The following BIRC6 variants were observed in gnomAD, a reference collection of about 807,000 sequenced individuals.
The protein encoded by BIRC6 is baculoviral IAP repeat containing 6.
A neutral mutation model predicts 503.3 loss-of-function variants in BIRC6; 98 were observed. That is an observed-to-expected ratio of 0.19 (90% CI 0.17 to 0.23). The LOEUF is 0.23. BIRC6 is among the 10% of genes least tolerant of loss of function. The probability of loss-of-function intolerance (pLI) is 1.00; values close to 1 mark genes in which losing one functional copy is unlikely to be tolerated. For missense variants in BIRC6, 5,360 were observed against 5,806.0 expected (o/e 0.92, Z 2.50); for synonymous variants, 2,240 against 2,078.7 (o/e 1.08, Z -2.11).
chr2:32,548,123 T>C, intron 64 of BIRC6, 109 bp downstream of exon 64: 1 of 956,778 alleles, frequency 1.0e-6, no homozygotes, highest in Non-Finnish European at 1.5e-6. Flanking sequence ...TTATGCCCAC[T>C]TGTGGTCCTT....
intron 6 of BIRC6, among the ~76,000 whole-genome samples, chr2:32,398,228 C>T (rs1242391428): frequency 6.6e-6 from 1 of 152,136 alleles, no homozygotes; most frequent in Non-Finnish European, 1.5e-5. Context: ...GAGTTAATTG[C>T]TCTTGTAGGC....
intron 3 of BIRC6, among the ~76,000 whole-genome samples, chr2:32,383,720 C>T (rs1007223688): frequency 2.0e-5 from 3 of 151,834 alleles, no homozygotes; most frequent in Admixed American, 6.6e-5. Flanking sequence ...TTAGTAGAGA[C>T]GGGGTTTCAC....
At chr2:32,537,418 G>A (rs2057324352) in intron 61 of BIRC6, among the ~76,000 whole-genome samples, 1 of 152,122 alleles carries the variant, frequency 6.6e-6, no homozygotes, top group African/African-American at 2.4e-5. Flanking sequence ...CTGTCTCTCA[G>A]ACCACAGTGC....
chr2:32,560,798 G>A (rs1358799429), intron 65 of BIRC6, among the ~76,000 whole-genome samples: 1 of 151,524 alleles, frequency 6.6e-6, no homozygotes, highest in South Asian at 2.1e-4. Context: ...AAAACTCCTG[G>A]CCTTAAGCAA....
At chr2:32,510,115 C>A in intron 52 of BIRC6, 121 bp downstream of exon 52, 1 of 1,166,672 alleles carries the variant, frequency 8.6e-7, no homozygotes, top group Non-Finnish European at 1.2e-6. Context: ...TTATGTTTAT[C>A]TCTCCTCTCT....
At chr2:32,381,066 C>G (rs1360533148) in intron 3 of BIRC6, among the ~76,000 whole-genome samples, 1 of 152,036 alleles carries the variant, frequency 6.6e-6, no homozygotes, top group Non-Finnish European at 1.5e-5. Context: ...TCTTTTAAGG[C>G]CTTTTCTAAG....
Position 32,428,809 on chromosome 2 carries a change from T to C in BIRC6, c.2873-337T>C, listed in dbSNP as rs562802570. Among the ~76,000 whole-genome samples, 9 of 152,340 alleles carry C rather than the reference T, an allele frequency of 5.9e-5. 1 individual carries two copies. The East Asian group carries it at 1.7e-3, about 29-fold the overall frequency. ...ATTCCAGTATAGCTAGTGCCTCATC[T>C]GTAAAATGGCCACAGTAATAGTTCT... is the stretch of plus-strand genomic sequence containing the variant. On this transcript the variant is annotated intron_variant, in intron 10 of 73. Coordinates refer to ENST00000421745, the MANE Select transcript of BIRC6 (RefSeq NM_016252.4).
chr2:32,430,391 TGTAA>T (rs1384364173), intron 11 of BIRC6, among the ~76,000 whole-genome samples: 3 of 152,240 alleles, frequency 2.0e-5, no homozygotes, highest in Admixed American at 6.5e-5. Context: ...TTTTTCAGTT[TGTAA>T]GTATTTCTTT....
At chr2:32,582,906 T>A (rs1054038823) in intron 66 of BIRC6, among the ~76,000 whole-genome samples, 10 of 152,326 alleles carry the variant, frequency 6.6e-5, no homozygotes, top group Admixed American at 5.9e-4. Context: ...GGTACATAAT[T>A]ATATATAATA....
At chr2:32,470,878 C>A in intron 31 of BIRC6, 136 bp from the exon 32 acceptor site, 1 of 852,648 alleles carries the variant, frequency 1.2e-6, no homozygotes, top group Non-Finnish European at 1.7e-6. Context: ...AGACTTATTA[C>A]ATATAAATAT....
chr2:32,505,190 C>T lies in BIRC6; in HGVS notation c.9685C>T (p.Leu3229Phe), dbSNP rs1216100664. The change falls in exon 50 of 74, where the codon CTT becomes TTT. Residue 3229 changes from leucine to phenylalanine, a missense_variant. Around this residue, in one of 16 missense-constraint regions of BIRC6, gnomAD observed 267 missense variants for 287.6 expected, o/e 0.93. Transcript: ENST00000421745. ...TAAGGAGATACATATCCAGCCTCAT[C>T]TTGCATCTCTTGCAAGTGAGTAATA... ...LLKEIHIQPH[L>F]ASLATCPSSV... 1.3e-6 allele frequency: 2 copies of T among 1,566,216 alleles called. No individual in the cohort carries two copies. The highest frequency in any genetic ancestry group is 1.7e-6 in the Non-Finnish European group (2 of 1,153,538).
At chr2:32,587,682 C>T (rs1475909546) in intron 66 of BIRC6, among the ~76,000 whole-genome samples, 1 of 152,176 alleles carries the variant, frequency 6.6e-6, no homozygotes, top group African/African-American at 2.4e-5. Flanking sequence ...CGAGATCACG[C>T]CACTGCACTC....
Position 32,448,858 on chromosome 2 carries a change from T to G in BIRC6, c.4548T>G (p.Ser1516=). The G allele has an allele frequency of 6.2e-7, 1 of 1,613,644 alleles. No homozygotes were observed. The highest frequency in any genetic ancestry group is 8.5e-7 in the Non-Finnish European group (1 of 1,179,610). The change falls in exon 22 of 74, where the codon TCT becomes TCG. Residue 1516 remains serine (S), a synonymous_variant. Coordinates refer to ENST00000421745, the MANE Select transcript of BIRC6 (RefSeq NM_016252.4). ...VLFDLEMSGS[S]CKNVYNSSIG... ...TTGATTTGGAGATGAGTGGCTCTTCTTGTAAAAATGTTTATAACAGCAGCA... is the reference window on the plus strand; with the variant it reads ...TTGATTTGGAGATGAGTGGCTCTTCGTGTAAAAATGTTTATAACAGCAGCA...
rs552398290 is a variant in BIRC6 at position 32,583,522 on chromosome 2, T to C, written c.13355+8156T>C. On this transcript the variant is annotated intron_variant, in intron 66 of 73. Transcript: ENST00000421745. Reference sequence around the variant, plus strand: ...GCATTCCTTCTGGAGGAACAAAAGATTAGGCCAGTATTTTATGTCAAAATA... The same window carrying C: ...GCATTCCTTCTGGAGGAACAAAAGACTAGGCCAGTATTTTATGTCAAAATA... Among the ~76,000 whole-genome samples the C allele has an allele frequency of 7.2e-5, 11 of 152,302 alleles. No homozygotes were observed. The South Asian group carries it at 2.3e-3, about 32-fold the overall frequency.
chr2:32,605,812 C>T (rs1284696255), intron 71 of BIRC6, among the ~76,000 whole-genome samples: 4 of 151,918 alleles, frequency 2.6e-5, no homozygotes, highest in Admixed American at 1.3e-4. Flanking sequence ...GAGCTGAGAT[C>T]GCACCACTGC....
chr2:32,383,607 C>T (rs1573817630), intron 3 of BIRC6, among the ~76,000 whole-genome samples: 1 of 152,124 alleles, frequency 6.6e-6, no homozygotes, highest in Non-Finnish European at 1.5e-5. Context: ...TCTCAGCTCA[C>T]TGCAACCTCC....
At position 32,503,140 on chromosome 2, in the gene BIRC6, T is replaced by C. The variant is rs1281968082; in HGVS notation, c.9403T>C (p.Ser3135Pro). ...ATCAACTATTATGAAATTTCTTGAC[T>C]CTGGTCCAAATAAAGCTGTTGACAG... ...MVSTIMKFLD[S>P]GPNKAVDSTL... Residue 3135 changes from serine (S) to proline (P), a missense_variant, in exon 49 of 74, where the codon TCT becomes CCT. Around this residue, in one of 16 missense-constraint regions of BIRC6, gnomAD observed 267 missense variants for 287.6 expected, o/e 0.93. Transcript: ENST00000421745. 1 of 1,612,422 alleles carries C rather than the reference T, an allele frequency of 6.2e-7. No individual in the cohort carries two copies. The highest frequency in any genetic ancestry group is 8.5e-7 in the Non-Finnish European group (1 of 1,179,184).
chr2:32,474,282 G>GA (rs991457108), intron 33 of BIRC6, among the ~76,000 whole-genome samples: 2 of 151,866 alleles, frequency 1.3e-5, no homozygotes, highest in African/African-American at 4.8e-5. Context: ...TCCTTTGCAG[G>GA]AAAAATGAGA....
chr2:32,579,370 G>A (rs937547199), intron 66 of BIRC6, among the ~76,000 whole-genome samples: 2 of 151,776 alleles, frequency 1.3e-5, no homozygotes, highest in African/African-American at 2.4e-5. Flanking sequence ...AGGTTTGTGC[G>A]CCCCCAAGCC....
Sources: allele counts gnomAD v4.1 joint callset (sites outside exome capture counted in the v4.1 genomes callset), GRCh38; gene constraint gnomAD v4.1.1; regional missense constraint gnomAD v4.1.1; transcripts MANE v1.5; gene names NCBI Gene and HGNC (gene_info 2026-07-23, HGNC 2026-07-21).